CFAP44: variants seen among roughly 807,000 people sequenced by gnomAD.
The protein encoded by CFAP44 is cilia and flagella associated protein 44.
Under a neutral mutation model 216.2 loss-of-function variants are expected in CFAP44, and 134 were observed. That is an observed-to-expected ratio of 0.62 (90% CI 0.54 to 0.72). The LOEUF (loss-of-function observed/expected upper bound fraction) is 0.72. Ranked by LOEUF, CFAP44 falls within the 30% of genes least tolerant of loss-of-function variation. The probability of loss-of-function intolerance (pLI) is 0.00; values close to 1 mark genes in which losing one functional copy is unlikely to be tolerated. For missense variants in CFAP44, 2,035 were observed against 2,182.1 expected, an observed-to-expected ratio of 0.93 and a Z score of 1.34; for synonymous variants, 700 against 727.6, an observed-to-expected ratio of 0.96 and a Z score of 0.61.
chr3:113,418,139 G>A (rs1934700883), intron 5 of CFAP44, among the ~76,000 whole-genome samples: 1 of 151,932 alleles, frequency 6.6e-6, no homozygotes, highest in African/African-American at 2.4e-5. Context: ...CCAGGCTGGA[G>A]TGCAGTGGCA....
chr3:113,362,197 A>G (rs1255088557), intron 21 of CFAP44, among the ~76,000 whole-genome samples: 1 of 152,038 alleles, frequency 6.6e-6, no homozygotes, highest in Admixed American at 6.6e-5. Flanking sequence ...CCATTAGCTA[A>G]TCTATCAATT....
Position 113,414,647 on chromosome 3 carries a change from T to C in CFAP44, c.673+1878A>G, listed in dbSNP as rs141834606. ...TGGTTTTTGTCTTTGGTTCTGTTTA[T>C]GTGATGGATTACGTTTATTGATCTG... is the stretch of plus-strand genomic sequence containing the variant. On this transcript the variant is annotated intron_variant, in intron 6 of 34. Coordinates refer to ENST00000393845, the MANE Select transcript of CFAP44 (RefSeq NM_001164496.2). Among the ~76,000 whole-genome samples, 291 of 152,350 alleles carry C rather than the reference T, an allele frequency of 1.9e-3. 2 individuals carry two copies. Among genetic ancestry groups the C allele is most frequent in the African/African-American group, 5.7e-3 (238 of 41,586 alleles).
At position 113,305,031 on chromosome 3, in the gene CFAP44, A is replaced by G; in HGVS notation, c.4875+5T>C. 2 of 1,537,126 alleles carry G rather than the reference A, an allele frequency of 1.3e-6. No homozygotes were observed. Among genetic ancestry groups the G allele is most frequent in the Non-Finnish European group, 1.7e-6 (2 of 1,146,816 alleles). On this transcript the variant is annotated splice_donor_5th_base_variant and intron_variant, in intron 31 of 34. Transcript: ENST00000393845. ...AGGATGGAGCAGCCTCCCCAGACGCATCACCTGGTGGAGCTTGAGCGGAAT... is the reference window on the plus strand; with the variant it reads ...AGGATGGAGCAGCCTCCCCAGACGCGTCACCTGGTGGAGCTTGAGCGGAAT...
chr3:113,344,442 G>T, intron 23 of CFAP44, 74 bp downstream of exon 23: 1 of 1,312,140 alleles, frequency 7.6e-7, no homozygotes, highest in African/African-American at 1.5e-5. Flanking sequence ...AAGGTTCAAT[G>T]GTTCTGTCCA....
At chr3:113,400,271 G>A (rs902391058) in intron 12 of CFAP44, among the ~76,000 whole-genome samples, 3 of 151,996 alleles carry the variant, frequency 2.0e-5, no homozygotes, top group East Asian at 1.9e-4. Context: ...GAAAGGAGAC[G>A]GAAAGAATAG....
At position 113,311,451 on chromosome 3, in the gene CFAP44, C is replaced by T. The variant is rs1050960610; in HGVS notation, c.4517-3183G>A. On this transcript the variant is annotated intron_variant, in intron 28 of 34. Transcript: ENST00000393845. Reference sequence around the variant, plus strand: ...CTAATGGTTTTATCAGGGGTTTCTGCTTTTGCATCTTTCTCATTTTCTCTT... The same window carrying T: ...CTAATGGTTTTATCAGGGGTTTCTGTTTTTGCATCTTTCTCATTTTCTCTT... Among the ~76,000 whole-genome samples, 28 of 152,298 alleles carry T rather than the reference C, an allele frequency of 1.8e-4. No individual in the cohort carries two copies. In the East Asian group the frequency reaches 2.9e-3, roughly 16 times the overall value.
chr3:113,330,118 C>A, intron 26 of CFAP44, 50 bp downstream of exon 26: 1 of 1,426,658 alleles, frequency 7.0e-7, no homozygotes, highest in Non-Finnish European at 9.2e-7. Context: ...CCAATTTTTT[C>A]CCTTCTCTTC....
At chr3:113,357,538 T>C (rs577461343) in intron 22 of CFAP44, among the ~76,000 whole-genome samples, 1 of 152,262 alleles carries the variant, frequency 6.6e-6, no homozygotes, top group African/African-American at 2.4e-5. Flanking sequence ...TGGAGACAGG[T>C]ATGGAACAGA....
rs1412767093 is a variant in CFAP44 at position 113,288,600 on chromosome 3, G to A, written c.*2957C>T. On this transcript the variant is annotated 3_prime_UTR_variant, in exon 35 of 35. Coordinates refer to ENST00000393845, the MANE Select transcript of CFAP44 (RefSeq NM_001164496.2). ...TGTAACTCACCTTCTAGCCCCACTG[G>A]TTTTTACATTTTTTCCTTTTTCTCC... The A allele has an allele frequency of 1.3e-5, 2 of 152,156 alleles. No individual in the cohort carries two copies. Among genetic ancestry groups the A allele is most frequent in the Admixed American group, 1.3e-4 (2 of 15,274 alleles). The allele number at this position is 152,156 out of a possible 1,614,324, so 9.4% of individuals were successfully genotyped here.
At chr3:113,345,123 AATAG>A (rs1950368793) in intron 22 of CFAP44, among the ~76,000 whole-genome samples, 1 of 148,480 alleles carries the variant, frequency 6.7e-6, no homozygotes, top group Non-Finnish European at 1.5e-5. Flanking sequence ...ATACATATAT[AATAG>A]ATTATTATAT....
intron 15 of CFAP44, among the ~76,000 whole-genome samples, chr3:113,385,647 G>GTTTT (rs1933628310): frequency 6.6e-6 from 1 of 151,886 alleles, no homozygotes; most frequent in Non-Finnish European, 1.5e-5. Flanking sequence ...TTGTTTGTTT[G>GTTTT]TTTGTTTGTT....
chr3:113,406,541 G>A (rs1032784246), intron 8 of CFAP44, among the ~76,000 whole-genome samples: 9 of 151,526 alleles, frequency 5.9e-5, no homozygotes, highest in East Asian at 1.9e-4. Context: ...GGAGAATGGC[G>A]TGAACCCGGG....
In CFAP44 at chr3:113,433,680, A is replaced by G. The variant is rs1357225886; in HGVS notation, c.-5-11T>C. The G allele has an allele frequency of 4.4e-6, 7 of 1,592,438 alleles. No homozygotes were observed. The highest frequency in any genetic ancestry group is 6.0e-6 in the Non-Finnish European group (7 of 1,161,964). ...GTTCCTTCATTTCCTCTGTAAGTAC[A>G]AAATGGGGATGAGATATGGATAAAG... On this transcript the variant is annotated splice_polypyrimidine_tract_variant and intron_variant, in intron 1 of 34. Transcript: ENST00000393845.
intron 32 of CFAP44, 31 bp from the exon 33 acceptor site, chr3:113,296,916 TTC>T: frequency 6.5e-7 from 1 of 1,536,912 alleles, no homozygotes; most frequent in South Asian, 1.2e-5. Flanking sequence ...GCTCAGGTTG[TTC>T]AATGGCTCCC....
intron 22 of CFAP44, among the ~76,000 whole-genome samples, chr3:113,350,055 C>T (rs1312448916): frequency 1.3e-5 from 2 of 152,288 alleles, no homozygotes; most frequent in South Asian, 2.1e-4. Flanking sequence ...AGTTATTGCA[C>T]ACAGTGCAAA....
chr3:113,288,353 G>A lies in CFAP44; in HGVS notation c.*3204C>T, dbSNP rs1027920670. 4 of 152,152 alleles carry A rather than the reference G, an allele frequency of 2.6e-5. No homozygotes were observed. Among genetic ancestry groups the A allele is most frequent in the African/African-American group, 9.7e-5 (4 of 41,404 alleles). 9.4% of individuals were successfully genotyped at this position (152,152 alleles called of 1,614,324 possible). The stretch of plus-strand genomic sequence containing the variant: ...GAACTTCATGTGGAAGTGCAGCATG[G>A]TTTTCAGGAAAGCAGTATTTTAAAA... On this transcript the variant is annotated 3_prime_UTR_variant, in exon 35 of 35. Coordinates refer to ENST00000393845, the MANE Select transcript of CFAP44 (RefSeq NM_001164496.2).
chr3:113,367,831 A>C (rs1933007332), intron 18 of CFAP44, among the ~76,000 whole-genome samples: 1 of 151,946 alleles, frequency 6.6e-6, no homozygotes, highest in Non-Finnish European at 1.5e-5. Flanking sequence ...AAAGAAGCTA[A>C]AAACCTTGAA....
At chr3:113,332,922 T>C (rs1233694798) in intron 25 of CFAP44, among the ~76,000 whole-genome samples, 1 of 152,158 alleles carries the variant, frequency 6.6e-6, no homozygotes, top group African/African-American at 2.4e-5. Context: ...AAATATAAGC[T>C]TACCCATGAA....
In CFAP44 at chr3:113,293,927, A is replaced by G. The variant is rs775216; in HGVS notation, c.5373+760T>C. 4,182 of 453,262 alleles carry G rather than the reference A, an allele frequency of 9.2e-3. 53 individuals are homozygous for G. The highest frequency in any genetic ancestry group is 0.045 in the Middle Eastern group (120 of 2,670). The allele number at this position is 453,262 out of a possible 1,614,324, so 28.1% of individuals were successfully genotyped here. On this transcript the variant is annotated intron_variant, in intron 34 of 34. Transcript: ENST00000393845. Reference sequence around the variant, plus strand: ...CCCCTCAGGCTTCTGAAGCAGTACAACTGGGTTGGGGCCTTAGCACCTGCA... The same window carrying G: ...CCCCTCAGGCTTCTGAAGCAGTACAGCTGGGTTGGGGCCTTAGCACCTGCA...
Sources: allele counts gnomAD v4.1 joint callset (sites outside exome capture counted in the v4.1 genomes callset), GRCh38; gene constraint gnomAD v4.1.1; transcripts MANE v1.5; gene names NCBI Gene and HGNC (gene_info 2026-07-23, HGNC 2026-07-21).